Variants in TRIM41 observed in about 807,000 individuals in gnomAD.
The protein encoded by TRIM41 is E3 ubiquitin-protein ligase TRIM41.
Under a neutral mutation model 60.6 loss-of-function variants are expected in TRIM41, and 21 were observed. The observed-to-expected ratio is 0.35, with a 90% CI of 0.25 to 0.50. The LOEUF is 0.50. TRIM41 is among the 20% of genes least tolerant of loss of function. The probability of loss-of-function intolerance (pLI) is 0.98; values close to 1 mark genes in which losing one functional copy is unlikely to be tolerated. For missense variants in TRIM41, 846 were observed against 868.3 expected (o/e 0.97, Z 0.32); for synonymous variants, 407 against 344.9 (o/e 1.18, Z -2.00).
Position 181,234,800 on chromosome 5 carries a change from C to A in TRIM41, c.*25C>A. The A allele has an allele frequency of 6.2e-7, 1 of 1,606,030 alleles. No homozygotes were observed. Among genetic ancestry groups the A allele is most frequent in the East Asian group, 2.2e-5 (1 of 44,782 alleles). On this transcript the variant is annotated 3_prime_UTR_variant, in exon 6 of 6. Transcript: ENST00000315073. The surrounding 1 kb of genome is among the most constrained non-coding windows in gnomAD (Gnocchi z 5.6). ...ATTATCCTGCCACCCGCAGGGGCCC[C>A]TCTGTCAGCACTTGGGGGGTGGGTG...
chr5:181,224,954 C>T (rs1758483101), intron 1 of TRIM41, 142 bp downstream of exon 1: 7 of 1,018,638 alleles, frequency 6.9e-6, no homozygotes, highest in South Asian at 1.5e-5. Context: ...TAAGCACTTA[C>T]TGCCACCAAG....
chr5:181,230,289 T>G (rs1758733923), intron 1 of TRIM41: 1 of 156,112 alleles, frequency 6.4e-6, no homozygotes, highest in South Asian at 1.9e-4. Context: ...GTCAGGAGAT[T>G]GAGACCATCC....
chr5:181,224,098 C>T lies in TRIM41; in HGVS notation c.99C>T (p.Ile33=), dbSNP rs1374413428. Residue 33 remains isoleucine, a synonymous_variant, in exon 1 of 6, where the codon ATC becomes ATT. Coordinates refer to ENST00000315073, the MANE Select transcript of TRIM41 (RefSeq NM_033549.5). ...CLDYFTDPVS[I]GCGHNFCRVC... ...ATTACTTCACGGACCCCGTGTCCAT[C>T]GGCTGCGGGCACAACTTCTGCCGAG... 2 of 1,614,256 alleles carry T rather than the reference C, an allele frequency of 1.2e-6. No homozygotes were observed. The highest frequency in any genetic ancestry group is 1.3e-5 in the African/African-American group (1 of 75,080).
At position 181,224,200 on chromosome 5, in the gene TRIM41, C is replaced by CGGAGAGGAG. The variant is rs1758429575; in HGVS notation, c.203_211dup (p.Gly68_Glu70dup). On this transcript the variant is annotated inframe_insertion, in exon 1 of 6. Transcript: ENST00000315073. ...TAGATCGGGAGGAGGAGGAGGAGGA[C>CGGAGAGGAG]GGAGAGGAGGAGGAAGTGGAGGCTG... 1 of 1,611,182 alleles carries CGGAGAGGAG rather than the reference C, an allele frequency of 6.2e-7. No individual in the cohort carries two copies. The highest frequency in any genetic ancestry group is 1.7e-5 in the Admixed American group (1 of 59,786).
rs1758397108 is a variant in TRIM41 at position 181,223,730 on chromosome 5, T to C, written c.-270T>C. ...GGTTTATGAGGAGTCCAAGGGAGCA[T>C]TGGGGCAGACTTGTACTCAGAGCCA... On this transcript the variant is annotated 5_prime_UTR_variant, in exon 1 of 6. Transcript: ENST00000315073. 8 of 576,942 alleles carry C rather than the reference T, an allele frequency of 1.4e-5. No individual in the cohort carries two copies. Among genetic ancestry groups the C allele is most frequent in the Admixed American group, 3.2e-5 (1 of 31,290 alleles). 35.7% of individuals were successfully genotyped at this position (576,942 alleles called of 1,614,324 possible).
Position 181,235,468 on chromosome 5 carries a change from C to A in TRIM41, c.*693C>A. On this transcript the variant is annotated 3_prime_UTR_variant, in exon 6 of 6. Coordinates refer to ENST00000315073, the MANE Select transcript of TRIM41 (RefSeq NM_033549.5). ...ACATCAACATAAATTATTTCTTCCC[C>A]CTTCCCTTTTCCAGCACTCAACCAA... is the stretch of plus-strand genomic sequence containing the variant. The A allele has an allele frequency of 2.5e-6, 4 of 1,582,852 alleles. No individual in the cohort carries two copies. The highest frequency in any genetic ancestry group is 3.4e-6 in the Non-Finnish European group (4 of 1,160,976).
Position 181,235,414 on chromosome 5 carries a change from C to G in TRIM41, c.*639C>G, listed in dbSNP as rs369002414. 1 of 1,614,054 alleles carries G rather than the reference C, an allele frequency of 6.2e-7. No homozygotes were observed. ...GGAATGGTCGCCATGATTGAAACCACGCACCATTACATCATCATTACATTA... is the reference window on the plus strand; with the variant it reads ...GGAATGGTCGCCATGATTGAAACCAGGCACCATTACATCATCATTACATTA... On this transcript the variant is annotated 3_prime_UTR_variant, in exon 6 of 6. Transcript: ENST00000315073.
Position 181,232,674 on chromosome 5 carries a change from G to T in TRIM41, c.925G>T (p.Glu309Ter). ...VTELKSQMKS[E>*]LAAVASEFGR... Reference sequence around the variant, plus strand: ...ACCATTCCAGAGCCAGATGAAGTCAGAGCTGGCAGCGGTGGCCTCGGAGTT... The same window carrying T: ...ACCATTCCAGAGCCAGATGAAGTCATAGCTGGCAGCGGTGGCCTCGGAGTT... The change falls in exon 3 of 6, where the codon GAG (glutamate) becomes TAG (stop). Residue 309 changes from glutamate (E) to a stop codon, truncating the protein, a stop_gained. Coordinates refer to ENST00000315073, the MANE Select transcript of TRIM41 (RefSeq NM_033549.5). LOFTEE classifies it high-confidence loss of function. The T allele has an allele frequency of 6.2e-7, 1 of 1,614,022 alleles. No homozygotes were observed.
At position 181,224,080 on chromosome 5, in the gene TRIM41, C is replaced by T; in HGVS notation, c.81C>T (p.Phe27=). 3 of 1,614,260 alleles carry T rather than the reference C, an allele frequency of 1.9e-6. No individual in the cohort carries two copies. Among genetic ancestry groups the T allele is most frequent in the Non-Finnish European group, 2.5e-6 (3 of 1,180,040 alleles). Residue 27 remains phenylalanine (F), a synonymous_variant, in exon 1 of 6, where the codon TTC becomes TTT. Coordinates refer to ENST00000315073, the MANE Select transcript of TRIM41 (RefSeq NM_033549.5). ...TGTGCGCCATCTGCCTCGATTACTT[C>T]ACGGACCCCGTGTCCATCGGCTGCG... ...EAVCAICLDY[F]TDPVSIGCGH...
Position 181,233,558 on chromosome 5 carries a change from C to A in TRIM41, c.1164-78C>A. The A allele has an allele frequency of 6.2e-7, 1 of 1,609,514 alleles. No homozygotes were observed. On this transcript the variant is annotated intron_variant, in intron 4 of 5. Coordinates refer to ENST00000315073, the MANE Select transcript of TRIM41 (RefSeq NM_033549.5). The surrounding 1 kb of genome is among the most constrained non-coding windows in gnomAD (Gnocchi z 4.1). ...CCTGAGTTTCCATCTCCTGGACCCT[C>A]CTCTCCTTCCCCTCAGCTTTTGCTT...
intron 2 of TRIM41, chr5:181,231,551 G>A: frequency 6.5e-6 from 1 of 153,530 alleles, no homozygotes; most frequent in Non-Finnish European, 1.4e-5. Flanking sequence ...TCCCTTCCCA[G>A]CCAGTGCCTG....
At position 181,233,160 on chromosome 5, in the gene TRIM41, G is replaced by C. The variant is rs1467939809; in HGVS notation, c.1141-253G>C. On this transcript the variant is annotated intron_variant, in intron 3 of 5. Transcript: ENST00000315073. This position sits in a 1 kb window ranked among gnomAD's most constrained non-coding sequence, Gnocchi z 4.1. ...AAAGTCTTTTTGACAGTGACATCCT[G>C]AAAAAGGTGAGCAAGTCGTATTGTG... The C allele has an allele frequency of 1.8e-5, 13 of 712,764 alleles. No individual in the cohort carries two copies. Among genetic ancestry groups the C allele is most frequent in the Non-Finnish European group, 3.1e-5 (12 of 393,406 alleles). 44.2% of individuals were successfully genotyped at this position (712,764 alleles called of 1,614,324 possible). A position where few individuals can be genotyped will look rare whatever the true frequency, so the allele number is the denominator to read the frequency against.
rs1394799012 is a variant in TRIM41, at chr5:181,230,704, G to A, written c.814-40G>A. On this transcript the variant is annotated intron_variant, in intron 1 of 5. Transcript: ENST00000315073. ...CAGAGGTAGGCTCTGAAGGGCAGGT[G>A]CCTCTCCCAGCCCCCACTTTTCTTT... The A allele has an allele frequency of 2.6e-6, 4 of 1,552,442 alleles. No homozygotes were observed. The South Asian group carries it at 4.5e-5, about 17-fold the overall frequency.
Position 181,224,389 on chromosome 5 carries a change from G to C in TRIM41, c.390G>C (p.Glu130Asp), listed in dbSNP as rs770664769. 3.7e-6 allele frequency: 6 copies of C among 1,612,558 alleles called. No individual in the cohort carries two copies. Among genetic ancestry groups the C allele is most frequent in the Non-Finnish European group, 4.2e-6 (5 of 1,178,900 alleles). Residue 130 changes from glutamate to aspartate, a missense_variant, in exon 1 of 6, where the codon GAG (glutamate) becomes GAC (aspartate). By Grantham distance (45) the Glu-to-Asp change is conservative. Coordinates refer to ENST00000315073, the MANE Select transcript of TRIM41 (RefSeq NM_033549.5). ...MDYVWEEEDE[E>D]EDLDYYLGDM... The stretch of plus-strand genomic sequence containing the variant: ...ATGTGTGGGAGGAGGAGGACGAGGA[G>C]GAAGACCTGGACTACTACTTGGGGG...
rs371194975 is a variant in TRIM41, at chr5:181,234,941, G to T, written c.*166G>T. The T allele has an allele frequency of 1.4e-4, 218 of 1,613,764 alleles. No homozygotes were observed. Among genetic ancestry groups the T allele is most frequent in the Non-Finnish European group, 1.8e-4 (212 of 1,180,020 alleles). On this transcript the variant is annotated 3_prime_UTR_variant, in exon 6 of 6. Coordinates refer to ENST00000315073, the MANE Select transcript of TRIM41 (RefSeq NM_033549.5). The surrounding 1 kb of genome is among the most constrained non-coding windows in gnomAD (Gnocchi z 5.6). ...CTGCTTCTCCCTCTAGGAGCCTAAAGAACCCTCCTGGCCTCCAGCTCAGCC... is the reference window on the plus strand; with the variant it reads ...CTGCTTCTCCCTCTAGGAGCCTAAATAACCCTCCTGGCCTCCAGCTCAGCC...
In TRIM41 at chr5:181,234,565, C is replaced by T. The variant is rs750111320; in HGVS notation, c.1683C>T (p.Ala561=). ...CVGTNGKRYQ[A]QSSTEQTLLS... ...GCACCAACGGCAAACGCTATCAGGC[C>T]CAGAGCTCCACAGAACAGACGCTGC... The change falls in exon 6 of 6, where the codon GCC becomes GCT. Residue 561 remains alanine (A), a synonymous_variant. Coordinates refer to ENST00000315073, the MANE Select transcript of TRIM41 (RefSeq NM_033549.5). This position sits in a 1 kb window ranked among gnomAD's most constrained non-coding sequence, Gnocchi z 5.6. 2 of 1,614,232 alleles carry T rather than the reference C, an allele frequency of 1.2e-6. No individual in the cohort carries two copies. The highest frequency in any genetic ancestry group is 2.2e-5 in the East Asian group (1 of 44,890).
intron 2 of TRIM41, 65 bp from the exon 3 acceptor site, chr5:181,232,594 C>G: frequency 1.3e-6 from 2 of 1,507,990 alleles, no homozygotes; most frequent in Admixed American, 2.1e-5. Context: ...GTAGTAGTTG[C>G]AAAACTGGAG....
In TRIM41 at chr5:181,230,856, G is replaced by A. The variant is rs1316925295; in HGVS notation, c.909+17G>A. ...GAACTGAAGGTGGGTGAATGTTCTCGACGGGGCTGATGGGCAGTACAGTCG... is the reference window on the plus strand; with the variant it reads ...GAACTGAAGGTGGGTGAATGTTCTCAACGGGGCTGATGGGCAGTACAGTCG... On this transcript the variant is annotated intron_variant, in intron 2 of 5. Transcript: ENST00000315073. The A allele has an allele frequency of 3.1e-6, 5 of 1,607,300 alleles. No individual in the cohort carries two copies. The Admixed American group carries it at 5.0e-5, about 16-fold the overall frequency.
chr5:181,232,831 G>T lies in TRIM41; in HGVS notation c.1082G>T (p.Ser361Ile). The change falls in exon 3 of 6, where the codon AGC becomes ATC. Residue 361 changes from serine (S) to isoleucine (I), a missense_variant. Physicochemically the swap from Ser to Ile is moderately radical, Grantham distance 142. Transcript: ENST00000315073. Reference sequence around the variant, plus strand: ...CTTGCAGAACAGGCCGCCCAGCTCAGCCGCCTGCTGGCAGAGGCCCAGGAG... The same window carrying T: ...CTTGCAGAACAGGCCGCCCAGCTCATCCGCCTGCTGGCAGAGGCCCAGGAG... ...SRLAEQAAQL[S>I]RLLAEAQERS... 1 of 1,567,680 alleles carries T rather than the reference G, an allele frequency of 6.4e-7. No homozygotes were observed.
Sources: gnomAD v4.1 joint callset for allele counts on GRCh38, gnomAD v4.1.1 for gene constraint, Gnocchi (gnomAD v3.1) non-coding constraint, MANE v1.5 for transcripts, NCBI Gene and HGNC (gene_info 2026-07-23, HGNC 2026-07-21) for gene names.